STIM1: variants seen among roughly 807,000 people sequenced by gnomAD.
STIM1 encodes the protein stromal interaction molecule 1.
A neutral mutation model predicts 74.7 loss-of-function variants in STIM1; 25 were observed. The observed-to-expected ratio is 0.33, with a 90% CI of 0.24 to 0.47. The LOEUF (loss-of-function observed/expected upper bound fraction) is 0.47, where lower values mean the gene tolerates loss of function less well. STIM1 is among the 20% of genes least tolerant of loss of function. STIM1 has a pLI of 1.00. For synonymous variants in STIM1, 328 were observed against 348.8 expected (o/e 0.94, Z 0.66); for missense variants, 728 against 920.8 (o/e 0.79, Z 2.71).
chr11:3,882,855 G>A (rs1251738227), intron 1 of STIM1, among the ~76,000 whole-genome samples: 1 of 152,166 alleles, frequency 6.6e-6, no homozygotes, highest in Non-Finnish European at 1.5e-5. Context: ...ATATGAAATA[G>A]TGCCTCACTG....
chr11:3,883,306 G>T (rs2091585087), intron 1 of STIM1, among the ~76,000 whole-genome samples: 2 of 151,606 alleles, frequency 1.3e-5, no homozygotes, highest in African/African-American at 2.4e-5. Context: ...CACTAGTTAG[G>T]TGCTCCCTTC....
intron 1 of STIM1, among the ~76,000 whole-genome samples, chr11:3,906,147 T>C (rs774121336): frequency 3.3e-5 from 5 of 152,264 alleles, no homozygotes; most frequent in African/African-American, 7.2e-5. Flanking sequence ...CTTATCCTTT[T>C]TGACAAACTA....
At chr11:3,954,920 A>G (rs2093193053) in intron 1 of STIM1, among the ~76,000 whole-genome samples, 1 of 152,232 alleles carries the variant, frequency 6.6e-6, no homozygotes, top group Admixed American at 6.5e-5. Flanking sequence ...AAAAATGAAA[A>G]CATATGTTCA....
intron 5 of STIM1, among the ~76,000 whole-genome samples, chr11:4,062,622 A>AAAAC (rs748143497): frequency 3.3e-5 from 5 of 152,198 alleles, no homozygotes; most frequent in East Asian, 3.8e-4. Context: ...ACCCTCTCTC[A>AAAAC]AAACAAACAA....
At chr11:3,983,970 G>A (rs1208344176) in intron 2 of STIM1, among the ~76,000 whole-genome samples, 4 of 151,834 alleles carry the variant, frequency 2.6e-5, no homozygotes, top group East Asian at 1.9e-4. Context: ...GGATTCAAGC[G>A]ATTCTCCTGC....
intron 1 of STIM1, among the ~76,000 whole-genome samples, chr11:3,901,617 T>C (rs1160480796): frequency 6.6e-6 from 1 of 152,252 alleles, no homozygotes; most frequent in Non-Finnish European, 1.5e-5. Flanking sequence ...AATAGCTCTA[T>C]GAGATTGCTG....
intron 1 of STIM1, among the ~76,000 whole-genome samples, chr11:3,895,683 C>CTTCCTTCCTTCCTTCCTTCT: frequency 2.6e-5 from 1 of 38,000 alleles, no homozygotes; most frequent in South Asian, 9.8e-4. Context: ...TCCTTCCTTC[C>CTTCCTTCCTTCCTTCCTTCT]TTCTTTCTTT....
At chr11:4,083,197 G>T (rs2094474166) in intron 9 of STIM1, 66 bp from the exon 10 acceptor site, 1 of 1,517,396 alleles carries the variant, frequency 6.6e-7, no homozygotes, top group Admixed American at 1.7e-5. Flanking sequence ...CCTCTGAGAA[G>T]AGGCTTCATT....
At chr11:4,088,077 C>T (rs1467322800) in intron 12 of STIM1, among the ~76,000 whole-genome samples, 1 of 152,028 alleles carries the variant, frequency 6.6e-6, no homozygotes, top group Non-Finnish European at 1.5e-5. Context: ...ATATTTTTGT[C>T]TTTTCACAAG....
intron 11 of STIM1, 87 bp from the exon 12 acceptor site, chr11:4,086,390 C>T: frequency 6.6e-7 from 1 of 1,513,286 alleles, no homozygotes; most frequent in Non-Finnish European, 9.0e-7. Context: ...GGGTGGTCTC[C>T]AGCAAGCATT....
intron 2 of STIM1, among the ~76,000 whole-genome samples, chr11:3,987,108 G>A (rs1590624697): frequency 6.6e-6 from 1 of 150,612 alleles, no homozygotes; most frequent in East Asian, 2.0e-4. Context: ...CTTTATTCTT[G>A]TTTATCCTCA....
chr11:3,875,637 G>T (rs962285669), intron 1 of STIM1, among the ~76,000 whole-genome samples: 1 of 151,478 alleles, frequency 6.6e-6, no homozygotes, highest in Non-Finnish European at 1.5e-5. Flanking sequence ...GAGGCAGGAG[G>T]ATTGCTTGAG....
At position 4,055,579 on chromosome 11, in the gene STIM1, C is replaced by A; in HGVS notation, c.439C>A (p.Leu147Met). Residue 147 changes from leucine (L) to methionine (M), a missense_variant, in exon 4 of 13, where the codon CTG (leucine) becomes ATG (methionine). By Grantham distance (15) the Leu-to-Met change is conservative (BLOSUM62 2). This residue lies in a region of STIM1 where 132 missense variants were observed against 158.2 expected (regional missense o/e 0.83). Transcript: ENST00000526596. ...ACAGTGGCTGATCACATATGTGGAG[C>A]TGCCTCAGTATGAGGAGACCTTCCG... The part of the protein sequence containing the change: ...VVQWLITYVE[L>M]PQYEETFRKL... 6.2e-7 allele frequency: 1 copy of A among 1,601,076 alleles called. No individual in the cohort carries two copies. Among genetic ancestry groups the A allele is most frequent in the Non-Finnish European group, 8.5e-7 (1 of 1,175,082 alleles).
intron 1 of STIM1, among the ~76,000 whole-genome samples, chr11:3,869,337 C>T (rs1050376842): frequency 7.2e-5 from 11 of 152,130 alleles, no homozygotes; most frequent in African/African-American, 1.4e-4. Flanking sequence ...ATCCTCACAT[C>T]GGGTCTCTCA....
intron 3 of STIM1, among the ~76,000 whole-genome samples, chr11:4,033,761 A>G (rs2094073654): frequency 6.6e-6 from 1 of 151,558 alleles, no homozygotes; most frequent in African/African-American, 2.4e-5. Context: ...GCACCCAGCT[A>G]ATTTTTTATT....
intron 1 of STIM1, among the ~76,000 whole-genome samples, chr11:3,861,270 G>A (rs1196385966): frequency 1.4e-5 from 2 of 145,982 alleles, no homozygotes; most frequent in Non-Finnish European, 3.0e-5. Flanking sequence ...GTCTTGCTCT[G>A]TTGCCCAGGC....
chr11:3,901,966 C>T (rs1419899171), intron 1 of STIM1, among the ~76,000 whole-genome samples: 1 of 152,176 alleles, frequency 6.6e-6, no homozygotes, highest in Non-Finnish European at 1.5e-5. Context: ...CGGGGTTTTG[C>T]CATATTGCCC....
At chr11:4,044,165 T>C (rs779489516) in intron 3 of STIM1, among the ~76,000 whole-genome samples, 18 of 152,186 alleles carry the variant, frequency 1.2e-4, no homozygotes, top group Non-Finnish European at 2.2e-4. Flanking sequence ...TTGATCTGGC[T>C]AGGGGCCACA....
chr11:3,915,580 G>A (rs2092631639), intron 1 of STIM1, among the ~76,000 whole-genome samples: 1 of 151,892 alleles, frequency 6.6e-6, no homozygotes, highest in South Asian at 2.1e-4. Flanking sequence ...TGTATTTTTA[G>A]TAGAGACGGG....
Sources: gnomAD v4.1 joint callset for allele counts (sites outside exome capture counted in the v4.1 genomes callset) on GRCh38, gnomAD v4.1.1 for gene constraint, gnomAD v4.1.1 regional missense constraint, MANE v1.5 for transcripts, NCBI Gene and HGNC (gene_info 2026-07-23, HGNC 2026-07-21) for gene names.